RGS17: variants seen among roughly 807,000 people sequenced by gnomAD.
RGS17 encodes the protein regulator of G-protein signaling 17.
A neutral mutation model predicts 25.5 loss-of-function variants in RGS17; 12 were observed. The observed-to-expected ratio is 0.47, with a 90% CI of 0.30 to 0.76. The LOEUF is 0.76. RGS17 is among the 30% of genes least tolerant of loss of function. RGS17 has a pLI of 0.07. For synonymous variants in RGS17, 71 were observed against 76.9 expected, an observed-to-expected ratio of 0.92 and a Z score of 0.40; for missense variants, 196 against 242.2, an observed-to-expected ratio of 0.81 and a Z score of 1.27.
intron 4 of RGS17, among the ~76,000 whole-genome samples, chr6:153,013,742 C>T (rs866391843): frequency 1.1e-4 from 16 of 151,598 alleles, no homozygotes; most frequent in Middle Eastern, 3.5e-3. Context: ...GAAGATCAAA[C>T]AAGCCACAAC....
At chr6:153,020,128 ATATATATATATTTTTTTTTTTTTTT>A (rs1779229660) in intron 4 of RGS17, among the ~76,000 whole-genome samples, 1 of 93,128 alleles carries the variant, frequency 1.1e-5, no homozygotes, top group South Asian at 4.0e-4. Context: ...ATATATATAT[ATATATATATATTTTTTTTTTTTTTT>A]TTTTTTTTTT....
In RGS17 at chr6:153,054,094, ATATATATATATATATATATGTG is replaced by A. The variant is rs1395579642; in HGVS notation, c.-25-10073_-25-10052del. On this transcript the variant is annotated intron_variant, in intron 1 of 4. Transcript: ENST00000206262. ...TATATATATACACACAATATTTTTT[ATATATATATATATATATATGTG>A]TATATATATATATATACAGCTTTAT... Among the ~76,000 whole-genome samples, 23 of 60,688 alleles carry A rather than the reference ATATATATATATATATATATGTG, an allele frequency of 3.8e-4. 5 individuals carry two copies. Among genetic ancestry groups the A allele is most frequent in the Non-Finnish European group, 5.8e-4 (20 of 34,308 alleles). The allele number at this position is 60,688 out of a possible 152,430, so 39.8% of individuals were successfully genotyped here.
chr6:153,061,153 G>A (rs1365801591), intron 1 of RGS17, among the ~76,000 whole-genome samples: 1 of 152,156 alleles, frequency 6.6e-6, no homozygotes, highest in Admixed American at 6.5e-5. Context: ...ATTTTTACCT[G>A]ACTTATTCAG....
intron 1 of RGS17, among the ~76,000 whole-genome samples, chr6:153,063,058 A>G (rs914401018): frequency 2.6e-5 from 4 of 152,184 alleles, no homozygotes; most frequent in African/African-American, 9.6e-5. Flanking sequence ...TAACATCACA[A>G]CACCCAAGTC....
chr6:153,104,004 A>C (rs979785537), intron 1 of RGS17, among the ~76,000 whole-genome samples: 1 of 152,236 alleles, frequency 6.6e-6, no homozygotes. Context: ...AATGTGAAAA[A>C]TATGTATCTT....
chr6:153,084,982 T>C (rs1453304118), intron 1 of RGS17, among the ~76,000 whole-genome samples: 1 of 152,198 alleles, frequency 6.6e-6, no homozygotes, highest in Non-Finnish European at 1.5e-5. Context: ...GTTACGAAAA[T>C]TCAGATAAAG....
At chr6:153,026,630 A>G in intron 2 of RGS17, 87 bp from the exon 3 acceptor site, 1 of 951,120 alleles carries the variant, frequency 1.1e-6, no homozygotes, top group Non-Finnish European at 1.7e-6. Flanking sequence ...AACATTTCAC[A>G]GGAGATCTTA....
chr6:153,095,807 CATTACA>C (rs1193731690), intron 1 of RGS17, among the ~76,000 whole-genome samples: 3 of 152,170 alleles, frequency 2.0e-5, no homozygotes, highest in African/African-American at 7.2e-5. Context: ...ATTTGCAAAA[CATTACA>C]AATGATACTT....
At chr6:153,109,035 A>G (rs1352363175) in intron 1 of RGS17, among the ~76,000 whole-genome samples, 1 of 152,152 alleles carries the variant, frequency 6.6e-6, no homozygotes, top group Non-Finnish European at 1.5e-5. Context: ...AATCAAAATC[A>G]CTTACTCCTC....
chr6:153,072,989 A>G (rs1265877465), intron 1 of RGS17, among the ~76,000 whole-genome samples: 1 of 152,182 alleles, frequency 6.6e-6, no homozygotes, highest in Non-Finnish European at 1.5e-5. Flanking sequence ...AACTCAGAAA[A>G]TCAGCAAACA....
intron 1 of RGS17, among the ~76,000 whole-genome samples, chr6:153,099,322 T>A (rs1355997051): frequency 2.6e-5 from 4 of 152,238 alleles, no homozygotes; most frequent in African/African-American, 9.6e-5. Flanking sequence ...TATGTTTAGA[T>A]AGCTTTAGGA....
chr6:153,015,758 A>G (rs2129105733), intron 4 of RGS17, among the ~76,000 whole-genome samples: 1 of 151,104 alleles, frequency 6.6e-6, no homozygotes, highest in Non-Finnish European at 1.5e-5. Flanking sequence ...GGTTCACGCC[A>G]TTGTCCTGCC....
chr6:153,051,041 G>A (rs939022907), intron 1 of RGS17, among the ~76,000 whole-genome samples: 2 of 152,198 alleles, frequency 1.3e-5, no homozygotes, highest in Admixed American at 1.3e-4. Flanking sequence ...CAACCAGGCA[G>A]CAGGCCCTCA....
rs1015049632 is a variant in RGS17 at position 153,032,103 on chromosome 6, C to A, written c.120-5560G>T. ...CACTTACAAAAGACTACCCACCCCC[C>A]AAAAAAACTAAAACCCCAAACCAAA... On this transcript the variant is annotated intron_variant, in intron 2 of 4. Transcript: ENST00000206262. Among the ~76,000 whole-genome samples the A allele has an allele frequency of 5.3e-5, 8 of 151,982 alleles. No homozygotes were observed. In the East Asian group the frequency reaches 1.4e-3, roughly 26 times the overall value.
chr6:153,105,527 A>G (rs1389021827), intron 1 of RGS17, among the ~76,000 whole-genome samples: 2 of 152,200 alleles, frequency 1.3e-5, no homozygotes, highest in Non-Finnish European at 2.9e-5. Context: ...GGTCTATACC[A>G]AGTGTTCGCT....
At chr6:153,053,725 C>T (rs1002280289) in intron 1 of RGS17, among the ~76,000 whole-genome samples, 1 of 150,254 alleles carries the variant, frequency 6.7e-6, no homozygotes, top group African/African-American at 2.5e-5. Context: ...CCCAGGTGTT[C>T]GAGGCTGCAG....
chr6:153,124,248 G>A (rs1777675470), intron 1 of RGS17, among the ~76,000 whole-genome samples: 1 of 152,142 alleles, frequency 6.6e-6, no homozygotes, highest in African/African-American at 2.4e-5. Context: ...TGAACTCCTT[G>A]TGGAAAGGGG....
intron 2 of RGS17, among the ~76,000 whole-genome samples, chr6:153,036,458 T>C (rs983023543): frequency 6.6e-6 from 1 of 152,196 alleles, no homozygotes; most frequent in African/African-American, 2.4e-5. Flanking sequence ...TCCTGAGGTT[T>C]CTGTCTGTAG....
At chr6:153,099,455 A>G (rs887969313) in intron 1 of RGS17, among the ~76,000 whole-genome samples, 8 of 152,102 alleles carry the variant, frequency 5.3e-5, no homozygotes, top group Non-Finnish European at 4.4e-5. Context: ...TATTTTTTTT[A>G]CCCTGCTATA....
Sources: gnomAD v4.1 joint callset for allele counts (sites outside exome capture counted in the v4.1 genomes callset) on GRCh38, gnomAD v4.1.1 for gene constraint, MANE v1.5 for transcripts, NCBI Gene and HGNC (gene_info 2026-07-23, HGNC 2026-07-21) for gene names.